Variants in ESYT2 observed in about 807,000 individuals in gnomAD.
ESYT2 encodes the protein extended synaptotagmin 2.
Under a neutral mutation model 107.2 loss-of-function variants are expected in ESYT2, and 54 were observed. The observed-to-expected ratio is 0.50, with a 90% confidence interval of 0.40 to 0.63. The LOEUF (loss-of-function observed/expected upper bound fraction) is 0.63. Ranked by LOEUF, ESYT2 falls within the 30% of genes least tolerant of loss-of-function variation. The pLI, the probability that ESYT2 is intolerant of heterozygous loss-of-function variation, is 0.00. For missense variants in ESYT2, 1,020 were observed against 1,094.5 expected (o/e 0.93, Z 0.96); for synonymous variants, 491 against 434.1 (o/e 1.13, Z -1.63).
intron 6 of ESYT2, among the ~76,000 whole-genome samples, chr7:158,778,863 A>G (rs1268388027): frequency 6.6e-6 from 1 of 151,542 alleles, no homozygotes; most frequent in Non-Finnish European, 1.5e-5. Flanking sequence ...TTTTTTTTTA[A>G]CATGCTCCCA....
intron 1 of ESYT2, among the ~76,000 whole-genome samples, chr7:158,804,160 C>G (rs1262464469): frequency 2.6e-5 from 1 of 39,034 alleles, no homozygotes; most frequent in Non-Finnish European, 4.3e-5. Context: ...CCCAAACCGT[C>G]GAGAAGGGTG....
chr7:158,733,974 G>A lies in ESYT2; in HGVS notation c.*233C>T, dbSNP rs1422318531. 1.3e-5 allele frequency: 7 copies of A among 521,520 alleles called. No individual in the cohort carries two copies. Among genetic ancestry groups the A allele is most frequent in the Admixed American group, 1.3e-4 (4 of 30,778 alleles). The allele number at this position is 521,520 out of a possible 1,614,324, so 32.3% of individuals were successfully genotyped here. A position where few individuals can be genotyped will look rare whatever the true frequency, so the allele number is the denominator to read the frequency against. On this transcript the variant is annotated 3_prime_UTR_variant, in exon 23 of 23. Transcript: ENST00000275418. ...GTCCACAGACACAAGAGCTACCGCC[G>A]CCCTACTGCACGTTGTAGGAACTGG...
Position 158,731,638 on chromosome 7 carries a change from C to T in ESYT2, c.*2569G>A, listed in dbSNP as rs1233579164. Reference sequence around the variant, plus strand: ...TTCTATTTTAATCTGAACTTGGAAACACCTTCCTACTTTAAGGCACAGGAT... The same window carrying T: ...TTCTATTTTAATCTGAACTTGGAAATACCTTCCTACTTTAAGGCACAGGAT... On this transcript the variant is annotated 3_prime_UTR_variant, in exon 23 of 23. Transcript: ENST00000275418. The T allele has an allele frequency of 6.6e-6, 1 of 152,628 alleles. No homozygotes were observed. Among genetic ancestry groups the T allele is most frequent in the Non-Finnish European group, 1.5e-5 (1 of 68,060 alleles). The allele number at this position is 152,628 out of a possible 1,614,324, so 9.5% of individuals were successfully genotyped here. A position where few individuals can be genotyped will look rare whatever the true frequency, so the allele number is the denominator to read the frequency against.
At chr7:158,803,754 C>G (rs111778528) in intron 1 of ESYT2, among the ~76,000 whole-genome samples, 2,691 of 151,490 alleles carry the variant, frequency 0.018, 74 homozygotes, top group African/African-American at 0.062. Context: ...AAAGGTGAGG[C>G]GCGCGACAAA....
intron 18 of ESYT2, 35 bp downstream of exon 18, chr7:158,741,488 T>C: frequency 6.5e-7 from 1 of 1,526,946 alleles, no homozygotes; most frequent in Non-Finnish European, 8.7e-7. Context: ...GCGCTTGCTC[T>C]GCTGGTGAGA....
intron 6 of ESYT2, among the ~76,000 whole-genome samples, chr7:158,782,385 G>GGAGAGT (rs1554586899): frequency 1.2e-5 from 1 of 86,630 alleles, no homozygotes; most frequent in Admixed American, 1.2e-4. Context: ...AACAAAGTGA[G>GGAGAGT]GTAAGAACGA....
At chr7:158,779,969 G>A (rs956410091) in intron 6 of ESYT2, among the ~76,000 whole-genome samples, 4 of 152,208 alleles carry the variant, frequency 2.6e-5, no homozygotes, top group Non-Finnish European at 5.9e-5. Context: ...CTACCACTAA[G>A]GGCAATAGGG....
chr7:158,743,612 T>TGGTGAGCAGCTGGCTGA lies in ESYT2; in HGVS notation c.1694_1710dup (p.Glu572AlafsTer9). On this transcript the variant is annotated frameshift_variant, in exon 17 of 23. Transcript: ENST00000275418. ...CGCTGGCTCACAGTCATGTCCTCAC[T>TGGTGAGCAGCTGGCTGA]GGTGAGCAGCTGGCTGAGGGGGACC... The TGGTGAGCAGCTGGCTGA allele has an allele frequency of 6.2e-7, 1 of 1,613,708 alleles. No individual in the cohort carries two copies. The highest frequency in any genetic ancestry group is 8.5e-7 in the Non-Finnish European group (1 of 1,179,890).
chr7:158,806,249 C>T (rs2129473820), intron 1 of ESYT2, among the ~76,000 whole-genome samples: 1 of 152,236 alleles, frequency 6.6e-6, no homozygotes, highest in East Asian at 1.9e-4. Context: ...AGACAAGTGA[C>T]CATCACCTAT....
intron 1 of ESYT2, among the ~76,000 whole-genome samples, chr7:158,814,402 AAT>A (rs1345843389): frequency 1.5e-4 from 22 of 148,372 alleles, no homozygotes; most frequent in South Asian, 4.3e-4. Context: ...ACGTTTTAAA[AAT>A]ATATGTTACT....
At chr7:158,763,277 T>C (rs1049943901) in intron 9 of ESYT2, 112 bp from the exon 10 acceptor site, 3 of 386,572 alleles carry the variant, frequency 7.8e-6, no homozygotes, top group Non-Finnish European at 1.1e-5. Context: ...TGGTGGTAAA[T>C]CCTTATTTAT....
At chr7:158,810,809 G>A (rs1021366569) in intron 1 of ESYT2, among the ~76,000 whole-genome samples, 6 of 152,292 alleles carry the variant, frequency 3.9e-5, no homozygotes, top group Middle Eastern at 3.4e-3. Context: ...GGCGTGACAG[G>A]GAGAGCAGTG....
intron 1 of ESYT2, among the ~76,000 whole-genome samples, chr7:158,800,727 TTCTTTTC>T (rs1414748851): frequency 8.3e-6 from 1 of 120,324 alleles, no homozygotes. Flanking sequence ...CTTTTTTCTT[TTCTTTTC>T]TTTTTTTTTT....
chr7:158,828,594 A>T (rs1233913743), intron 1 of ESYT2, among the ~76,000 whole-genome samples: 1 of 152,136 alleles, frequency 6.6e-6, no homozygotes, highest in African/African-American at 2.4e-5. Context: ...TCACGAGGGC[A>T]GACGCGCCCC....
rs530554528 is a variant in ESYT2 at position 158,815,168 on chromosome 7, C to T, written c.330+13921G>A. 1.1e-4 allele frequency among the ~76,000 whole-genome samples: 17 copies of T among 152,320 alleles called. No individual in the cohort carries two copies. The South Asian group carries it at 2.9e-3, about 26-fold the overall frequency. On this transcript the variant is annotated intron_variant, in intron 1 of 22. Transcript: ENST00000275418. ...TCACGGGTTTTCTGTTACACTCCTCCGAGTGCAGAGAGGCAGCTCCCTTGT... is the reference window on the plus strand; with the variant it reads ...TCACGGGTTTTCTGTTACACTCCTCTGAGTGCAGAGAGGCAGCTCCCTTGT...
rs114130833 is a variant in ESYT2 at position 158,774,583 on chromosome 7, A to T, written c.748-1187T>A. Among the ~76,000 whole-genome samples, 838 of 152,308 alleles carry T rather than the reference A, an allele frequency of 5.5e-3. 9 individuals are homozygous for T. The highest frequency in any genetic ancestry group is 0.019 in the African/African-American group (801 of 41,560). On this transcript the variant is annotated intron_variant, in intron 6 of 22. Transcript: ENST00000275418. ...TTTTCCTTTCTCTTTTCTCTTACACAACTTAAAAAGGAACAGGTACTCCCT... is the reference window on the plus strand; with the variant it reads ...TTTTCCTTTCTCTTTTCTCTTACACTACTTAAAAAGGAACAGGTACTCCCT...
chr7:158,747,543 A>G (rs1220858128), intron 16 of ESYT2, among the ~76,000 whole-genome samples: 2 of 152,154 alleles, frequency 1.3e-5, no homozygotes, highest in African/African-American at 4.8e-5. Context: ...TAATACTCCT[A>G]TCTACCCACT....
intron 1 of ESYT2, among the ~76,000 whole-genome samples, chr7:158,799,882 C>A (rs1468454894): frequency 1.3e-5 from 2 of 152,094 alleles, no homozygotes; most frequent in South Asian, 2.1e-4. Flanking sequence ...GTAACCCCAA[C>A]ACTTTGGGAG....
At chr7:158,738,329 ACACACACACACACAGAC>A (rs1837049207) in intron 19 of ESYT2, among the ~76,000 whole-genome samples, 6 of 84,816 alleles carry the variant, frequency 7.1e-5, no homozygotes, top group South Asian at 7.9e-4. Flanking sequence ...AAAAAAAAAT[ACACACACACACACAGAC>A]ACACACACAC....
Sources: allele counts gnomAD v4.1 joint callset (sites outside exome capture counted in the v4.1 genomes callset), GRCh38; gene constraint gnomAD v4.1.1; transcripts MANE v1.5; gene names NCBI Gene and HGNC (gene_info 2026-07-23, HGNC 2026-07-21).